The following RYR1 variants were observed in gnomAD, a reference collection of about 807,000 sequenced individuals.
The protein encoded by RYR1 is central core disease of muscle.
RYR1 carries 342 observed loss-of-function variants against 583.5 expected under a neutral mutation model. The observed-to-expected ratio is 0.59, with a 90% CI of 0.54 to 0.64. The LOEUF (loss-of-function observed/expected upper bound fraction) is 0.64, where lower values mean the gene tolerates loss of function less well. Ranked by LOEUF, RYR1 falls within the 30% of genes least tolerant of loss-of-function variation. The probability of loss-of-function intolerance (pLI) is 0.00; values close to 1 mark genes in which losing one functional copy is unlikely to be tolerated. For missense variants in RYR1, 6,032 were observed against 6,917.2 expected (o/e 0.87, Z 4.54); for synonymous variants, 2,791 against 2,822.5 (o/e 0.99, Z 0.35).
In RYR1 at chr19:38,448,480, A is replaced by C. The variant is rs1360627930; in HGVS notation, c.926A>C (p.Lys309Thr). The C allele has an allele frequency of 6.2e-7, 1 of 1,613,882 alleles. No individual in the cohort carries two copies. The highest frequency in any genetic ancestry group is 8.5e-7 in the Non-Finnish European group (1 of 1,179,988). ...GTTGACGCCAGCAAGGCTCACACCA[A>C]GGCTACCTCCTTCTGCTTCCGCATC... ...VVVDASKAHT[K>T]ATSFCFRISK... Residue 309 changes from lysine to threonine, a missense_variant, in exon 10 of 106, where the codon AAG becomes ACG. By Grantham distance (78) the Lys-to-Thr change is moderately conservative. Around this residue, in one of 11 missense-constraint regions of RYR1, gnomAD observed 338 missense variants for 441.6 expected, o/e 0.77. Coordinates refer to ENST00000359596, the MANE Select transcript of RYR1 (RefSeq NM_000540.3).
chr19:38,472,675 T>G (rs56356303), intron 27 of RYR1, among the ~76,000 whole-genome samples: 1 of 150,794 alleles, frequency 6.6e-6, no homozygotes, highest in African/African-American at 2.4e-5. Flanking sequence ...CTCAGGAGAT[T>G]GAGACCAGCC....
intron 20 of RYR1, among the ~76,000 whole-genome samples, chr19:38,461,539 G>A (rs1025205710): frequency 1.3e-5 from 2 of 151,874 alleles, no homozygotes; most frequent in Non-Finnish European, 2.9e-5. Flanking sequence ...ACCAGCCTAG[G>A]CAACATAGCA....
At chr19:38,501,541 C>T (rs1049673178) in intron 47 of RYR1, among the ~76,000 whole-genome samples, 1 of 152,158 alleles carries the variant, frequency 6.6e-6, no homozygotes, top group African/African-American at 2.4e-5. Flanking sequence ...ACTGTGGGCA[C>T]ACAGAACTCT....
Position 38,537,924 on chromosome 19 carries a change from C to G in RYR1, c.11653C>G (p.Arg3885Gly). 1 of 1,613,460 alleles carries G rather than the reference C, an allele frequency of 6.2e-7. No homozygotes were observed. Among genetic ancestry groups the G allele is most frequent in the Non-Finnish European group, 8.5e-7 (1 of 1,179,684 alleles). ...TGATGAATTCACACAAGACCTGTTC[C>G]GATTCCTACAATTGCTCTGTGAGGG... is the stretch of plus-strand genomic sequence containing the variant. ...ADDEFTQDLFRFLQLLCEGHN... is the reference protein window; with the variant it reads ...ADDEFTQDLFGFLQLLCEGHN... Residue 3885 changes from arginine to glycine, a missense_variant, in exon 84 of 106, where the codon CGA becomes GGA. Transcript: ENST00000359596.
Position 38,548,348 on chromosome 19 carries a change from T to C in RYR1, c.12210T>C (p.Ile4070=), listed in dbSNP as rs765758001. Residue 4070 remains isoleucine (I), a synonymous_variant, in exon 89 of 106, where the codon ATT becomes ATC. Coordinates refer to ENST00000359596, the MANE Select transcript of RYR1 (RefSeq NM_000540.3). Reference sequence around the variant, plus strand: ...ACATGTTCCTGAAACTCAAGGACATTGTGGGCTCTGAAGCCTTCCAGGACT... The same window carrying C: ...ACATGTTCCTGAAACTCAAGGACATCGTGGGCTCTGAAGCCTTCCAGGACT... The part of the protein sequence containing the change: ...FFDMFLKLKD[I]VGSEAFQDYV... 1.2e-6 allele frequency: 2 copies of C among 1,614,104 alleles called. No homozygotes were observed. The highest frequency in any genetic ancestry group is 2.2e-5 in the East Asian group (1 of 44,866).
At chr19:38,569,519 C>A (rs1277135780) in intron 93 of RYR1, among the ~76,000 whole-genome samples, 1 of 151,198 alleles carries the variant, frequency 6.6e-6, no homozygotes, top group African/African-American at 2.4e-5. Context: ...TGTGTCACTT[C>A]ACTCCAACCT....
chr19:38,455,773 T>A lies in RYR1; in HGVS notation c.1791+22T>A, dbSNP rs762293426. 4 of 1,432,566 alleles carry A rather than the reference T, an allele frequency of 2.8e-6. No homozygotes were observed. The South Asian group carries it at 4.6e-5, about 16-fold the overall frequency. 88.7% of individuals were successfully genotyped at this position (1,432,566 alleles called of 1,614,324 possible). On this transcript the variant is annotated intron_variant, in intron 16 of 105. Coordinates refer to ENST00000359596, the MANE Select transcript of RYR1 (RefSeq NM_000540.3). ...CAAGGTCGGCCCCTCACCCCTGACC[T>A]CTCATCCCCTGAACTCTGAATGCTG...
Position 38,523,107 on chromosome 19 carries a change from A to G in RYR1, c.10339A>G (p.Lys3447Glu). 6.2e-7 allele frequency: 1 copy of G among 1,613,408 alleles called. No individual in the cohort carries two copies. Among genetic ancestry groups the G allele is most frequent in the East Asian group, 2.2e-5 (1 of 44,866 alleles). The part of the protein sequence containing the change: ...MVGEIFIYWS[K>E]SHNFKREEQN... ...GGGCGAGATCTTCATCTACTGGTCC[A>G]AGTCCCACGTGAGTGCCCACCCCAA... The change falls in exon 68 of 106, where the codon AAG (lysine) becomes GAG (glutamate). Residue 3447 changes from lysine (K) to glutamate (E), a missense_variant. Around this residue, in one of 11 missense-constraint regions of RYR1, gnomAD observed 1,493 missense variants for 1,715.5 expected, o/e 0.87. Coordinates refer to ENST00000359596, the MANE Select transcript of RYR1 (RefSeq NM_000540.3).
At chr19:38,579,297 C>T (rs978258500) in intron 99 of RYR1, among the ~76,000 whole-genome samples, 8 of 151,858 alleles carry the variant, frequency 5.3e-5, no homozygotes, top group Admixed American at 2.6e-4. Context: ...TGGTGACCCA[C>T]GCCTGTGGTC....
At chr19:38,533,136 C>T (rs1035827511) in intron 78 of RYR1, among the ~76,000 whole-genome samples, 4 of 151,998 alleles carry the variant, frequency 2.6e-5, no homozygotes, top group African/African-American at 9.7e-5. Flanking sequence ...GGGAGGGCTT[C>T]TCGGAGGAGG....
chr19:38,580,199 A>T (rs1191582211), intron 100 of RYR1, 71 bp downstream of exon 100: 15 of 1,609,028 alleles, frequency 9.3e-6, no homozygotes, highest in South Asian at 2.2e-5. Flanking sequence ...TGAAGGGATA[A>T]GGGCCGGGCA....
rs35479919 is a variant in RYR1 at position 38,471,899 on chromosome 19, CAAA to C, written c.3766-1459_3766-1457del. On this transcript the variant is annotated intron_variant, in intron 27 of 105. Coordinates refer to ENST00000359596, the MANE Select transcript of RYR1 (RefSeq NM_000540.3). ...CCTGGGTGACAGCGAGACTCTGTCT[CAAA>C]AAAAAAAAAAAAAAAAAAGATTCTG... is the stretch of plus-strand genomic sequence containing the variant. Among the ~76,000 whole-genome samples, 11 of 59,992 alleles carry C rather than the reference CAAA, an allele frequency of 1.8e-4. No individual in the cohort carries two copies. The South Asian group carries it at 1.9e-3, about 10-fold the overall frequency. The allele number at this position is 59,992 out of a possible 152,430, so 39.4% of individuals were successfully genotyped here. A position where few individuals can be genotyped will look rare whatever the true frequency, so the allele number is the denominator to read the frequency against.
At chr19:38,578,300 T>A in intron 99 of RYR1, 96 bp downstream of exon 99, 1 of 1,285,088 alleles carries the variant, frequency 7.8e-7, no homozygotes, top group Non-Finnish European at 1.1e-6. Flanking sequence ...GAATGACTCC[T>A]GGGACCCTGA....
chr19:38,443,837 C>A (rs752813548), intron 5 of RYR1, 41 bp downstream of exon 5: 2 of 1,584,438 alleles, frequency 1.3e-6, no homozygotes, highest in Non-Finnish European at 1.7e-6. Flanking sequence ...AGGGGCCCCG[C>A]AGCAGGGATT....
Position 38,467,784 on chromosome 19 carries a change from A to G in RYR1, c.3353A>G (p.Glu1118Gly), listed in dbSNP as rs1968189395. Residue 1118 changes from glutamate to glycine, a missense_variant, in exon 25 of 106, where the codon GAG becomes GGG. Glu to Gly is a moderately conservative substitution (Grantham distance 98). Coordinates refer to ENST00000359596, the MANE Select transcript of RYR1 (RefSeq NM_000540.3). ...LRPDVELGAD[E>G]LAYVFNGHRG... ...CCTGATGTAGAGCTGGGAGCTGACG[A>G]GCTGGCCTATGTCTTCAATGGGCAC... 6.2e-7 allele frequency: 1 copy of G among 1,614,122 alleles called. No homozygotes were observed.
chr19:38,548,928 C>T (rs951840355), intron 89 of RYR1, among the ~76,000 whole-genome samples: 2 of 152,082 alleles, frequency 1.3e-5, no homozygotes, highest in African/African-American at 4.8e-5. Flanking sequence ...AGATGAGAAC[C>T]GTTATTACTG....
chr19:38,482,514 A>G (rs1969060704), intron 31 of RYR1, among the ~76,000 whole-genome samples: 1 of 152,044 alleles, frequency 6.6e-6, no homozygotes, highest in Admixed American at 6.6e-5. Flanking sequence ...GCGGTGGTGC[A>G]ATCATGGCTC....
intron 38 of RYR1, among the ~76,000 whole-genome samples, chr19:38,493,350 A>C (rs1357352164): frequency 6.6e-6 from 1 of 152,152 alleles, no homozygotes; most frequent in Non-Finnish European, 1.5e-5. Flanking sequence ...CACATCTAAC[A>C]AGGACAGATT....
intron 27 of RYR1, among the ~76,000 whole-genome samples, chr19:38,471,919 AAG>A (rs1301427853): frequency 5.3e-5 from 8 of 151,160 alleles, no homozygotes; most frequent in Non-Finnish European, 1.0e-4. Context: ...AAAAAAAAAA[AAG>A]ATTCTGAGAA....
Sources: gnomAD v4.1 joint callset for allele counts (sites outside exome capture counted in the v4.1 genomes callset) on GRCh38, gnomAD v4.1.1 for gene constraint, gnomAD v4.1.1 regional missense constraint, MANE v1.5 for transcripts, NCBI Gene and HGNC (gene_info 2026-07-23, HGNC 2026-07-21) for gene names.